ESCO1: variants seen among roughly 807,000 people sequenced by gnomAD.
The protein encoded by ESCO1 is establishment of sister chromatid cohesion N-acetyltransferase 1, also known as N-acetyltransferase ESCO1.
ESCO1 carries 33 observed loss-of-function variants against 83.5 expected under a neutral mutation model. The ratio of observed to expected loss-of-function variants is 0.40; its 90% confidence interval spans 0.30 to 0.53. ESCO1 has a LOEUF of 0.53. Ranked by LOEUF, ESCO1 falls within the 20% of genes least tolerant of loss-of-function variation. ESCO1 has a pLI of 0.63. For synonymous variants in ESCO1, 332 were observed against 324.3 expected (o/e 1.02, Z -0.25); for missense variants, 855 against 968.0 (o/e 0.88, Z 1.55).
At chr18:21,539,896 C>T (rs1352224934) in intron 9 of ESCO1, 24 bp downstream of exon 9, 10 of 1,582,260 alleles carry the variant, frequency 6.3e-6, no homozygotes, top group Non-Finnish European at 8.7e-6. Flanking sequence ...ATCCACTCTA[C>T]ATGAAGTTTC....
chr18:21,534,870 C>T (rs1451491356), intron 10 of ESCO1, among the ~76,000 whole-genome samples: 4 of 152,042 alleles, frequency 2.6e-5, no homozygotes, highest in African/African-American at 4.8e-5. Context: ...CTGATCTGCC[C>T]GCCTCAGCCT....
intron 1 of ESCO1, among the ~76,000 whole-genome samples, chr18:21,591,420 C>A (rs2038666225): frequency 6.6e-6 from 1 of 152,178 alleles, no homozygotes; most frequent in Non-Finnish European, 1.5e-5. Context: ...GGAAACTGGT[C>A]TCTCCTAAGC....
intron 9 of ESCO1, among the ~76,000 whole-genome samples, chr18:21,536,431 A>C (rs1409025520): frequency 1.3e-5 from 2 of 151,876 alleles, no homozygotes; most frequent in African/African-American, 4.8e-5. Flanking sequence ...CTCTACTAAA[A>C]TATTAAAAAA....
intron 1 of ESCO1, among the ~76,000 whole-genome samples, chr18:21,593,920 G>GC (rs926593556): frequency 6.6e-6 from 1 of 151,966 alleles, no homozygotes; most frequent in African/African-American, 2.4e-5. Flanking sequence ...CCCAAGAGGT[G>GC]CCAATATCTA....
At chr18:21,539,514 T>C (rs189716816) in intron 9 of ESCO1, among the ~76,000 whole-genome samples, 5 of 152,278 alleles carry the variant, frequency 3.3e-5, no homozygotes, top group Non-Finnish European at 7.4e-5. Context: ...TCAGAATAGG[T>C]GTTTCAATAT....
chr18:21,531,855 T>C (rs2037770829), intron 11 of ESCO1, among the ~76,000 whole-genome samples: 1 of 116,284 alleles, frequency 8.6e-6, no homozygotes, highest in Non-Finnish European at 1.6e-5. Context: ...ATCACGCCAC[T>C]GCACTCCAGC....
chr18:21,578,242 A>T (rs986138100), intron 2 of ESCO1, among the ~76,000 whole-genome samples: 2 of 152,206 alleles, frequency 1.3e-5, no homozygotes, highest in African/African-American at 4.8e-5. Flanking sequence ...AACTAAAAAT[A>T]AGCTAATTTG....
intron 1 of ESCO1, among the ~76,000 whole-genome samples, chr18:21,587,556 G>T (rs141292485): frequency 1.3e-5 from 2 of 152,008 alleles, no homozygotes; most frequent in East Asian, 3.9e-4. Context: ...TTTTATTTTA[G>T]TAATATCTCT....
At chr18:21,570,975 C>CAAA (rs774263906) in intron 4 of ESCO1, among the ~76,000 whole-genome samples, 1 of 113,524 alleles carries the variant, frequency 8.8e-6, no homozygotes. Context: ...GACTTCATCT[C>CAAA]AAAAAAAAAA....
intron 4 of ESCO1, among the ~76,000 whole-genome samples, chr18:21,570,311 C>T (rs1458614652): frequency 6.6e-6 from 1 of 151,918 alleles, no homozygotes; most frequent in African/African-American, 2.4e-5. Context: ...GTTGCTCAAA[C>T]TTGTCTAAAA....
intron 2 of ESCO1, among the ~76,000 whole-genome samples, chr18:21,581,592 C>T (rs2038503579): frequency 6.6e-6 from 1 of 151,678 alleles, no homozygotes; most frequent in Non-Finnish European, 1.5e-5. Flanking sequence ...GCCTGGACGA[C>T]AGAGCAAGAC....
In ESCO1 at chr18:21,573,339, T is replaced by C; in HGVS notation, c.1505A>G (p.His502Arg). 6.3e-7 allele frequency: 1 copy of C among 1,579,594 alleles called. No individual in the cohort carries two copies. The highest frequency in any genetic ancestry group is 8.5e-7 in the Non-Finnish European group (1 of 1,170,620). Residue 502 changes from histidine (H) to arginine (R), a missense_variant, in exon 4 of 12, where the codon CAT becomes CGT. By Grantham distance (29) the His-to-Arg change is conservative (BLOSUM62 0). Coordinates refer to ENST00000269214, the MANE Select transcript of ESCO1 (RefSeq NM_052911.3). Reference protein sequence around the residue: ...SDPPLDNQMKHSFDSASNKNF... With the variant: ...SDPPLDNQMKRSFDSASNKNF... ...CTTATTTGATGCTGAATCAAAAGAA[T>C]GTTTCATCTGATTATCCAATGGTGG...
chr18:21,580,916 G>A (rs1342286093), intron 2 of ESCO1, among the ~76,000 whole-genome samples: 1 of 152,186 alleles, frequency 6.6e-6, no homozygotes, highest in African/African-American at 2.4e-5. Context: ...CTTGAACCCA[G>A]GAGGCGGAGG....
chr18:21,540,814 T>A, intron 8 of ESCO1: 4 of 833,454 alleles, frequency 4.8e-6, no homozygotes, highest in South Asian at 3.6e-5. Context: ...AGGAATGAGC[T>A]TAACTAGTTG....
At chr18:21,550,545 T>C (rs559587586) in intron 8 of ESCO1, among the ~76,000 whole-genome samples, 4 of 152,352 alleles carry the variant, frequency 2.6e-5, no homozygotes, top group East Asian at 1.9e-4. Flanking sequence ...TATCCCAGTA[T>C]GTAAGAAATA....
At chr18:21,531,527 T>A (rs1394953429) in intron 11 of ESCO1, among the ~76,000 whole-genome samples, 3 of 150,074 alleles carry the variant, frequency 2.0e-5, no homozygotes, top group Admixed American at 2.0e-4. Context: ...AGTAAGACAT[T>A]AAAGACCTAG....
chr18:21,542,939 C>A (rs944977439), intron 8 of ESCO1, among the ~76,000 whole-genome samples: 1 of 152,152 alleles, frequency 6.6e-6, no homozygotes, highest in Admixed American at 6.6e-5. Context: ...ATAGCCACAA[C>A]GTTTTTGCAA....
intron 7 of ESCO1, 125 bp from the exon 8 acceptor site, chr18:21,561,115 G>T: frequency 1.1e-6 from 1 of 885,304 alleles, no homozygotes. Flanking sequence ...AACATTCAAT[G>T]TTAATTACTA....
In ESCO1 at chr18:21,532,557, G is replaced by A. The variant is rs1276748023; in HGVS notation, c.2291C>T (p.Pro764Leu). ...KAWCCSTLPE[P>L]AICGISRIWV... ...TATTCGACTGATCCCGCAGATTGCA[G>A]GCTCTGGTAATGTTGAGCAGCACCA... Residue 764 changes from proline to leucine, a missense_variant, in exon 11 of 12, where the codon CCT (proline) becomes CTT (leucine). By Grantham distance (98) the Pro-to-Leu change is moderately conservative. Transcript: ENST00000269214. 6.2e-7 allele frequency: 1 copy of A among 1,614,124 alleles called. No individual in the cohort carries two copies.
Sources: allele counts gnomAD v4.1 joint callset (sites outside exome capture counted in the v4.1 genomes callset), GRCh38; gene constraint gnomAD v4.1.1; transcripts MANE v1.5; gene names NCBI Gene and HGNC (gene_info 2026-07-23, HGNC 2026-07-21).